The following TAFA4 variants were observed in gnomAD, a reference collection of about 807,000 sequenced individuals.
The protein encoded by TAFA4 is chemokine-like protein TAFA-4.
A neutral mutation model predicts 21.1 loss-of-function variants in TAFA4; 20 were observed. That is an observed-to-expected ratio of 0.95 (90% CI 0.67 to 1.38). The LOEUF is 1.38. Ranked by LOEUF, TAFA4 falls within the 40% of genes most tolerant of loss-of-function variation. TAFA4 has a pLI of 0.00. For synonymous variants in TAFA4, 71 were observed against 67.4 expected, an observed-to-expected ratio of 1.05 and a Z score of -0.26; for missense variants, 211 against 180.9, an observed-to-expected ratio of 1.17 and a Z score of -0.95.
At chr3:68,822,477 C>G (rs997880006) in intron 3 of TAFA4, among the ~76,000 whole-genome samples, 1 of 151,788 alleles carries the variant, frequency 6.6e-6, no homozygotes, top group Non-Finnish European at 1.5e-5. Context: ...TTCTTTTTTT[C>G]TCTCTCTCTC....
At chr3:68,911,029 G>A (rs1667964711) in intron 1 of TAFA4, among the ~76,000 whole-genome samples, 1 of 152,114 alleles carries the variant, frequency 6.6e-6, no homozygotes, top group Non-Finnish European at 1.5e-5. Context: ...TCCAAAAGAG[G>A]GTCAAACTTT....
At chr3:68,757,335 C>T (rs887128134) in intron 3 of TAFA4, among the ~76,000 whole-genome samples, 3 of 152,102 alleles carry the variant, frequency 2.0e-5, no homozygotes, top group South Asian at 2.1e-4. Flanking sequence ...CCTTAAATGA[C>T]CTCATTTACT....
At chr3:68,805,518 C>A (rs904665212) in intron 3 of TAFA4, among the ~76,000 whole-genome samples, 26 of 152,160 alleles carry the variant, frequency 1.7e-4, no homozygotes, top group Non-Finnish European at 3.2e-4. Context: ...ATGTTTATTG[C>A]GGCACTATTC....
intron 1 of TAFA4, among the ~76,000 whole-genome samples, chr3:68,929,944 A>C (rs1021802331): frequency 3.9e-5 from 6 of 152,340 alleles, no homozygotes; most frequent in Non-Finnish European, 7.3e-5. Flanking sequence ...TTGGCTGCTG[A>C]TGATGTCATA....
chr3:68,911,931 C>G (rs578004795), intron 1 of TAFA4, among the ~76,000 whole-genome samples: 1 of 152,304 alleles, frequency 6.6e-6, no homozygotes, highest in South Asian at 2.1e-4. Flanking sequence ...TTTCAATTCT[C>G]CACACCTCAC....
At chr3:68,807,346 G>GT (rs1297734311) in intron 3 of TAFA4, among the ~76,000 whole-genome samples, 30 of 152,348 alleles carry the variant, frequency 2.0e-4, no homozygotes, top group Middle Eastern at 6.8e-3. Context: ...GTGAGGCCTT[G>GT]TTAAGGCATA....
At chr3:68,800,467 G>T (rs1256835829) in intron 3 of TAFA4, among the ~76,000 whole-genome samples, 2 of 152,158 alleles carry the variant, frequency 1.3e-5, no homozygotes, top group African/African-American at 4.8e-5. Context: ...TTTCTTACAG[G>T]GATTCTATCC....
At chr3:68,773,501 A>G (rs2106786008) in intron 3 of TAFA4, among the ~76,000 whole-genome samples, 1 of 152,240 alleles carries the variant, frequency 6.6e-6, no homozygotes, top group South Asian at 2.1e-4. Flanking sequence ...ATGTGACTAA[A>G]CCCAATCTCC....
chr3:68,851,833 T>G (rs1400607385), intron 3 of TAFA4, among the ~76,000 whole-genome samples: 1 of 152,154 alleles, frequency 6.6e-6, no homozygotes, highest in Non-Finnish European at 1.5e-5. Context: ...CCTGGGATGG[T>G]GGCACCAGCA....
At chr3:68,899,610 C>T (rs757566756) in intron 1 of TAFA4, among the ~76,000 whole-genome samples, 13 of 152,092 alleles carry the variant, frequency 8.5e-5, no homozygotes, top group Admixed American at 4.6e-4. Context: ...CAGTTTCAAA[C>T]GCAAATTCAC....
At chr3:68,917,635 T>C (rs2090016178) in intron 1 of TAFA4, among the ~76,000 whole-genome samples, 1 of 151,128 alleles carries the variant, frequency 6.6e-6, no homozygotes, top group African/African-American at 2.4e-5. Context: ...ATTCCTGTAA[T>C]CCCAGCTACT....
rs184277146 is a variant in TAFA4, at chr3:68,841,480, G to A, written c.130+39250C>T. 3.2e-4 allele frequency among the ~76,000 whole-genome samples: 49 copies of A among 152,166 alleles called. 1 individual carries two copies. Among genetic ancestry groups the A allele is most frequent in the Admixed American group, 2.5e-3 (38 of 15,286 alleles). ...CTGACCCACAACTAAATCACAATGC[G>A]TGACTATCACCCTACACAATTCATA... On this transcript the variant is annotated intron_variant, in intron 3 of 5. Transcript: ENST00000295569.
At chr3:68,733,445 C>T (rs1426691575) in intron 5 of TAFA4, among the ~76,000 whole-genome samples, 2 of 152,156 alleles carry the variant, frequency 1.3e-5, no homozygotes, top group Non-Finnish European at 2.9e-5. Context: ...CCCATCAGTT[C>T]ATGCATGCTG....
At chr3:68,906,174 G>A (rs1331729794) in intron 1 of TAFA4, among the ~76,000 whole-genome samples, 2 of 152,198 alleles carry the variant, frequency 1.3e-5, no homozygotes, top group African/African-American at 4.8e-5. Context: ...AGGAACAAGT[G>A]TCGTTCCTCA....
intron 3 of TAFA4, among the ~76,000 whole-genome samples, chr3:68,789,865 C>T (rs140357536): frequency 2.0e-5 from 3 of 152,280 alleles, no homozygotes; most frequent in African/African-American, 7.2e-5. Context: ...GTGGTAACCT[C>T]TCACCTCTAA....
chr3:68,777,146 T>A (rs1190834605), intron 3 of TAFA4, among the ~76,000 whole-genome samples: 5 of 16,040 alleles, frequency 3.1e-4, no homozygotes, highest in African/African-American at 1.3e-3. Context: ...TATGAAAGAT[T>A]TTTTCTTATT....
chr3:68,756,005 A>G (rs997297460), intron 3 of TAFA4, among the ~76,000 whole-genome samples: 3 of 152,188 alleles, frequency 2.0e-5, no homozygotes, highest in African/African-American at 4.8e-5. Context: ...GGTCACATGG[A>G]TAAGTGTGGA....
At chr3:68,840,009 C>T (rs1704622040) in intron 3 of TAFA4, among the ~76,000 whole-genome samples, 1 of 152,166 alleles carries the variant, frequency 6.6e-6, no homozygotes, top group Non-Finnish European at 1.5e-5. Context: ...TCCTCTTAAC[C>T]TCCCTTGGGT....
At chr3:68,733,289 A>G (rs1234918309) in intron 5 of TAFA4, 136 bp from the exon 6 acceptor site, 4 of 1,108,826 alleles carry the variant, frequency 3.6e-6, no homozygotes, top group Non-Finnish European at 5.0e-6. Flanking sequence ...GACCTCACCA[A>G]ATCAACAGTT....
Sources: gnomAD v4.1 joint callset for allele counts (sites outside exome capture counted in the v4.1 genomes callset) on GRCh38, gnomAD v4.1.1 for gene constraint, MANE v1.5 for transcripts, NCBI Gene and HGNC (gene_info 2026-07-23, HGNC 2026-07-21) for gene names.